Variants in GLCCI1 observed in about 807,000 individuals in gnomAD.
GLCCI1 encodes glucocorticoid-induced transcript 1 protein.
A neutral mutation model predicts 52.2 loss-of-function variants in GLCCI1; 24 were observed. The observed-to-expected ratio is 0.46, with a 90% confidence interval of 0.33 to 0.65. The LOEUF (loss-of-function observed/expected upper bound fraction) is 0.65. Among genes scored for constraint, GLCCI1 ranks in the 30% least tolerant of loss-of-function variants. The pLI is 0.02. For synonymous variants in GLCCI1, 310 were observed against 276.5 expected (o/e 1.12, Z -1.20); for missense variants, 704 against 701.5 (o/e 1.00, Z -0.04).
chr7:8,072,240 A>G (rs1198909131), intron 6 of GLCCI1, among the ~76,000 whole-genome samples: 1 of 152,150 alleles, frequency 6.6e-6, no homozygotes, highest in Non-Finnish European at 1.5e-5. Flanking sequence ...TGTGGTATAT[A>G]TTCTTTGTGT....
At chr7:8,044,433 A>T (rs1215638669) in intron 3 of GLCCI1, among the ~76,000 whole-genome samples, 1 of 147,594 alleles carries the variant, frequency 6.8e-6, no homozygotes, top group African/African-American at 2.5e-5. Flanking sequence ...AAGTGGTGTG[A>T]TGTCGGCTCA....
chr7:7,998,447 C>G (rs1780987599), intron 1 of GLCCI1, among the ~76,000 whole-genome samples: 1 of 152,192 alleles, frequency 6.6e-6, no homozygotes, highest in Admixed American at 6.5e-5. Context: ...ATCTCCTGAC[C>G]TCAGGTCATC....
In GLCCI1 at chr7:8,008,060, C is replaced by T. The variant is rs78249405; in HGVS notation, c.609+4001C>T. Among the ~76,000 whole-genome samples, 542 of 151,952 alleles carry T rather than the reference C, an allele frequency of 3.6e-3. 2 individuals are homozygous for T. Among genetic ancestry groups the T allele is most frequent in the African/African-American group, 0.012 (501 of 41,434 alleles). ...ATTACATCAATCTATTTAACATATG[C>T]GTTACCTCATTTTTTTATGTGTGGT... On this transcript the variant is annotated intron_variant, in intron 2 of 7. Transcript: ENST00000223145.
At chr7:7,975,923 T>C (rs906058155) in intron 1 of GLCCI1, among the ~76,000 whole-genome samples, 7 of 152,130 alleles carry the variant, frequency 4.6e-5, no homozygotes, top group Non-Finnish European at 1.0e-4. Context: ...ATATAAGTGC[T>C]TTTCTCCCCT....
chr7:7,999,189 T>C (rs1481228642), intron 1 of GLCCI1, among the ~76,000 whole-genome samples: 5 of 151,912 alleles, frequency 3.3e-5, no homozygotes, highest in Non-Finnish European at 5.9e-5. Flanking sequence ...GATTCAATGA[T>C]TAAAAATATA....
In GLCCI1 at chr7:7,980,772, G is replaced by C. The variant is rs938476624; in HGVS notation, c.457+10965G>C. The C allele has an allele frequency of 4.3e-6, 3 of 693,618 alleles. No homozygotes were observed. In the African/African-American group the frequency reaches 5.3e-5, roughly 12 times the overall value. 43.0% of individuals were successfully genotyped at this position (693,618 alleles called of 1,614,324 possible). A position where few individuals can be genotyped will look rare whatever the true frequency, so the allele number is the denominator to read the frequency against. On this transcript the variant is annotated intron_variant, in intron 1 of 7. Transcript: ENST00000223145. The stretch of plus-strand genomic sequence containing the variant: ...ACCTTGATGGTACCATACAGTATTT[G>C]GTGAGGTGACAGAAGGCATTGACAT...
intron 1 of GLCCI1, chr7:7,981,604 T>A: frequency 4.8e-6 from 1 of 207,692 alleles, no homozygotes; most frequent in Non-Finnish European, 9.6e-6. Context: ...ATTACAGATG[T>A]ATGCTTTTAT....
In GLCCI1 at chr7:8,070,914, C is replaced by G. The variant is rs368681876; in HGVS notation, c.967-7C>G. 1.5e-4 allele frequency: 248 copies of G among 1,612,138 alleles called. No individual in the cohort carries two copies. Among genetic ancestry groups the G allele is most frequent in the Admixed American group, 3.0e-4 (18 of 59,982 alleles). ...CATTTGGATGTTTAATGGTATTCCT[C>G]TTACAGCCGTTGGACATACCAGATG... On this transcript the variant is annotated splice_region_variant and splice_polypyrimidine_tract_variant and intron_variant, in intron 5 of 7. Coordinates refer to ENST00000223145, the MANE Select transcript of GLCCI1 (RefSeq NM_138426.4).
chr7:8,080,011 T>C (rs1782962975), intron 6 of GLCCI1, among the ~76,000 whole-genome samples: 1 of 151,534 alleles, frequency 6.6e-6, no homozygotes, highest in South Asian at 2.1e-4. Flanking sequence ...TTAGAGGCTC[T>C]TTGTAAAAGC....
rs1395473138 is a variant in GLCCI1, at chr7:7,981,065, T to G, written c.457+11258T>G. 50 of 475,536 alleles carry G rather than the reference T, an allele frequency of 1.1e-4. No homozygotes were observed. The East Asian group carries it at 2.4e-3, about 23-fold the overall frequency. 29.5% of individuals were successfully genotyped at this position (475,536 alleles called of 1,614,324 possible). A position where few individuals can be genotyped will look rare whatever the true frequency, so the allele number is the denominator to read the frequency against. On this transcript the variant is annotated intron_variant, in intron 1 of 7. Coordinates refer to ENST00000223145, the MANE Select transcript of GLCCI1 (RefSeq NM_138426.4). Reference sequence around the variant, plus strand: ...GAAGCTAAAACTCAGGCTTTACTTTTAGAGATGGTGGGAGACCTACCTGAT... The same window carrying G: ...GAAGCTAAAACTCAGGCTTTACTTTGAGAGATGGTGGGAGACCTACCTGAT...
In GLCCI1 at chr7:7,976,215, A is replaced by C. The variant is rs1463971842; in HGVS notation, c.457+6408A>C. Among the ~76,000 whole-genome samples, 2 of 152,168 alleles carry C rather than the reference A, an allele frequency of 1.3e-5. 1 individual carries two copies. The highest frequency in any genetic ancestry group is 2.9e-5 in the Non-Finnish European group (2 of 68,026). On this transcript the variant is annotated intron_variant, in intron 1 of 7. Coordinates refer to ENST00000223145, the MANE Select transcript of GLCCI1 (RefSeq NM_138426.4). ...GCTAGTGGGCTGGGCGCAGTGGCTC[A>C]TGCCTGTAATCCCAGCACTTTGGGA...
At chr7:7,997,431 C>G (rs1780956836) in intron 1 of GLCCI1, among the ~76,000 whole-genome samples, 1 of 152,056 alleles carries the variant, frequency 6.6e-6, no homozygotes, top group Non-Finnish European at 1.5e-5. Context: ...TTATTTATGG[C>G]TATTTTTGAT....
chr7:8,058,469 C>T (rs930175666), intron 4 of GLCCI1, among the ~76,000 whole-genome samples: 1 of 152,002 alleles, frequency 6.6e-6, no homozygotes, highest in South Asian at 2.1e-4. Context: ...ACTTTTCCTA[C>T]AAGATATGAA....
intron 5 of GLCCI1, among the ~76,000 whole-genome samples, chr7:8,067,914 A>G (rs997628145): frequency 6.6e-6 from 1 of 152,138 alleles, no homozygotes; most frequent in African/African-American, 2.4e-5. Context: ...TGGGTGGGGA[A>G]GTTTTCATGG....
chr7:8,071,297 G>C (rs904694856), intron 6 of GLCCI1, among the ~76,000 whole-genome samples, 166 bp downstream of exon 6: 4 of 149,204 alleles, frequency 2.7e-5, no homozygotes, highest in Non-Finnish European at 5.9e-5. Flanking sequence ...CCCCTTTTTT[G>C]TGACTCTAAC....
At chr7:8,023,209 G>GT (rs1781531373) in intron 3 of GLCCI1, among the ~76,000 whole-genome samples, 1 of 152,074 alleles carries the variant, frequency 6.6e-6, no homozygotes, top group Admixed American at 6.5e-5. Context: ...TAGATACACG[G>GT]TTTCACTGTG....
At chr7:8,008,062 T>C (rs1287065528) in intron 2 of GLCCI1, among the ~76,000 whole-genome samples, 2 of 151,798 alleles carry the variant, frequency 1.3e-5, no homozygotes. Flanking sequence ...AACATATGCG[T>C]TACCTCATTT....
At chr7:8,013,602 T>C (rs1781314960) in intron 2 of GLCCI1, among the ~76,000 whole-genome samples, 1 of 152,220 alleles carries the variant, frequency 6.6e-6, no homozygotes, top group Admixed American at 6.5e-5. Flanking sequence ...TTCAGGGGAA[T>C]TGTTACCATA....
intron 1 of GLCCI1, chr7:7,981,092 C>T (rs1396971710): frequency 2.1e-6 from 1 of 470,302 alleles, no homozygotes; most frequent in African/African-American, 2.1e-5. Context: ...CTACCTGATG[C>T]AGATATTAAA....
Sources: allele counts gnomAD v4.1 joint callset (sites outside exome capture counted in the v4.1 genomes callset), GRCh38; gene constraint gnomAD v4.1.1; transcripts MANE v1.5; gene names NCBI Gene and HGNC (gene_info 2026-07-23, HGNC 2026-07-21).